IFT56: variants seen among roughly 807,000 people sequenced by gnomAD.
IFT56 encodes intraflagellar transport protein 56.
chr7:139,184,985 T>C, the IFT56 span, among the ~76,000 whole-genome samples: 17 of 143,588 alleles, frequency 1.2e-4, no homozygotes, highest in African/African-American at 2.9e-4. Context: ...ACCCGGGAGG[T>C]GGAGCTTGCA....
At chr7:139,160,288 A>C in the IFT56 span, among the ~76,000 whole-genome samples, 5 of 152,250 alleles carry the variant, frequency 3.3e-5, no homozygotes, top group African/African-American at 1.2e-4. Context: ...ATCTCCTTTC[A>C]GATTAAAGAA....
At chr7:139,140,951 CT>C in the IFT56 span, among the ~76,000 whole-genome samples, 5,677 of 135,868 alleles carry the variant, frequency 0.042, 183 homozygotes, top group South Asian at 0.13. Flanking sequence ...AACTTGAAGA[CT>C]TTTTTTTTTT....
the IFT56 span, among the ~76,000 whole-genome samples, chr7:139,185,561 A>G: frequency 6.6e-6 from 1 of 152,098 alleles, no homozygotes; most frequent in Non-Finnish European, 1.5e-5. Flanking sequence ...TCGTTCATAT[A>G]AAGTTCTGAG....
chr7:139,142,224 TC>T, the IFT56 span: 1 of 1,613,790 alleles, frequency 6.2e-7, no homozygotes, highest in Admixed American at 1.7e-5. Context: ...ACTGTTGAGT[TC>T]TTTAATAAGC....
At chr7:139,147,958 T>C in the IFT56 span, among the ~76,000 whole-genome samples, 9 of 152,328 alleles carry the variant, frequency 5.9e-5, no homozygotes, top group East Asian at 1.7e-3. Context: ...TTATTGCATA[T>C]ATTAGTTTTT....
At chr7:139,135,617 G>C in the IFT56 span, among the ~76,000 whole-genome samples, 2 of 152,216 alleles carry the variant, frequency 1.3e-5, no homozygotes, top group South Asian at 2.1e-4. Context: ...GGCTCCTGCT[G>C]TAAGTCTGCA....
At chr7:139,140,260 G>C in the IFT56 span, among the ~76,000 whole-genome samples, 1 of 152,250 alleles carries the variant, frequency 6.6e-6, no homozygotes, top group African/African-American at 2.4e-5. Context: ...GTCTTTCTTA[G>C]GCCCTATCAC....
the IFT56 span, among the ~76,000 whole-genome samples, chr7:139,177,413 A>G: frequency 1.3e-5 from 2 of 151,296 alleles, no homozygotes; most frequent in African/African-American, 4.8e-5. Context: ...TCCTTTATCA[A>G]TTATGACAGT....
the IFT56 span, among the ~76,000 whole-genome samples, chr7:139,139,549 A>G: frequency 6.6e-6 from 1 of 152,244 alleles, no homozygotes; most frequent in Non-Finnish European, 1.5e-5. Flanking sequence ...AGTTAACTGA[A>G]CGTGTGAATT....
At chr7:139,165,191 TCCTGAAG>T in the IFT56 span, 1 of 1,613,788 alleles carries the variant, frequency 6.2e-7, no homozygotes, top group Non-Finnish European at 8.5e-7. Flanking sequence ...TTGATGTCAT[TCCTGAAG>T]CTAGGCTAAA....
chr7:139,162,401 G>C, the IFT56 span, among the ~76,000 whole-genome samples: 1 of 152,172 alleles, frequency 6.6e-6, no homozygotes, highest in Non-Finnish European at 1.5e-5. Flanking sequence ...ATAATTCTTA[G>C]AGAGTGGGAT....
chr7:139,135,792 G>A, the IFT56 span, among the ~76,000 whole-genome samples: 1 of 152,086 alleles, frequency 6.6e-6, no homozygotes, highest in African/African-American at 2.4e-5. Flanking sequence ...TGGTCTGGTT[G>A]TGTTGTACCA....
At chr7:139,171,251 A>T in the IFT56 span, among the ~76,000 whole-genome samples, 1 of 152,212 alleles carries the variant, frequency 6.6e-6, no homozygotes, top group Non-Finnish European at 1.5e-5. Context: ...CAATGTTGTT[A>T]AAATGTTCAT....
At chr7:139,152,657 G>A in the IFT56 span, among the ~76,000 whole-genome samples, 13 of 152,250 alleles carry the variant, frequency 8.5e-5, no homozygotes, top group East Asian at 2.5e-3. Flanking sequence ...CATGTTTTTA[G>A]AAAGGTCACT....
At chr7:139,182,135 A>G in the IFT56 span, among the ~76,000 whole-genome samples, 9 of 152,114 alleles carry the variant, frequency 5.9e-5, no homozygotes, top group African/African-American at 2.2e-4. Flanking sequence ...GGGAGGAGGT[A>G]GTAGTTTGGG....
At chr7:139,187,568 C>T in the IFT56 span, 9 of 1,610,116 alleles carry the variant, frequency 5.6e-6, no homozygotes, top group Non-Finnish European at 7.6e-6. Flanking sequence ...AATACTACCT[C>T]TACTCATTTG....
the IFT56 span, among the ~76,000 whole-genome samples, chr7:139,143,597 A>G: frequency 6.6e-6 from 1 of 151,992 alleles, no homozygotes; most frequent in South Asian, 2.1e-4. Context: ...CAGCATATAA[A>G]TGAGTTTTGT....
the IFT56 span, among the ~76,000 whole-genome samples, chr7:139,135,917 T>C: frequency 1.3e-5 from 2 of 151,380 alleles, no homozygotes; most frequent in Non-Finnish European, 1.5e-5. Context: ...TTCACTTTCT[T>C]TTTTTTTTCT....
the IFT56 span, among the ~76,000 whole-genome samples, chr7:139,182,753 AAATG>A: frequency 6.6e-6 from 1 of 152,164 alleles, no homozygotes; most frequent in African/African-American, 2.4e-5. Context: ...AAGGAAGAGT[AAATG>A]AAAGAGAGGA....
Sources: gnomAD v4.1 joint callset for allele counts (sites outside exome capture counted in the v4.1 genomes callset) on GRCh38, gnomAD v4.1.1 for gene constraint, MANE v1.5 for transcripts, NCBI Gene and HGNC (gene_info 2026-07-23, HGNC 2026-07-21) for gene names.